Variants in KAZN observed in about 807,000 individuals in gnomAD.
KAZN encodes kazrin, periplakin interacting protein.
In KAZN, 40 loss-of-function variants were observed where a neutral mutation model predicts 87.4. The ratio of observed to expected loss-of-function variants is 0.46; its 90% confidence interval spans 0.36 to 0.60. KAZN has a LOEUF of 0.60. KAZN is among the 20% of genes least tolerant of loss of function. The pLI is 0.00. For missense variants in KAZN, 898 were observed against 1,073.9 expected, an observed-to-expected ratio of 0.84 and a Z score of 2.29; for synonymous variants, 466 against 458.3, an observed-to-expected ratio of 1.02 and a Z score of -0.22.
intron 2 of KAZN, among the ~76,000 whole-genome samples, chr1:14,278,686 A>G (rs979249558): frequency 2.0e-5 from 3 of 152,184 alleles, no homozygotes; most frequent in African/African-American, 7.2e-5. Flanking sequence ...GAGGATGCAA[A>G]TCAAGTTCAC....
intron 1 of KAZN, among the ~76,000 whole-genome samples, chr1:13,977,819 AC>A (rs1458679302): frequency 6.6e-6 from 1 of 152,146 alleles, no homozygotes; most frequent in African/African-American, 2.4e-5. Flanking sequence ...GTACAATTTC[AC>A]CTTGATGCAA....
chr1:14,190,999 A>G (rs1289094140), intron 2 of KAZN, among the ~76,000 whole-genome samples: 2 of 152,220 alleles, frequency 1.3e-5, no homozygotes, highest in African/African-American at 4.8e-5. Context: ...TGGTCTAGTC[A>G]TGTTCTCAGG....
chr1:15,035,426 C>T (rs1672161741), intron 3 of KAZN, among the ~76,000 whole-genome samples: 1 of 152,204 alleles, frequency 6.6e-6, no homozygotes. Context: ...GAGGAAGTGA[C>T]ATATGCATTG....
intron 1 of KAZN, among the ~76,000 whole-genome samples, chr1:14,937,280 A>C (rs1660567683): frequency 6.6e-6 from 1 of 152,126 alleles, no homozygotes; most frequent in Non-Finnish European, 1.5e-5. Context: ...CTGCTAGTTA[A>C]TTACTTGCAG....
At chr1:14,946,559 A>C (rs1015035807) in intron 1 of KAZN, among the ~76,000 whole-genome samples, 5 of 151,980 alleles carry the variant, frequency 3.3e-5, no homozygotes, top group African/African-American at 1.2e-4. Flanking sequence ...GGATGGTCTC[A>C]ATCTGGTTTA....
rs191663202 is a variant in KAZN at position 15,052,459 on chromosome 1, A to G, written c.727-3632A>G. On this transcript the variant is annotated intron_variant, in intron 4 of 14. Coordinates refer to ENST00000376030, the MANE Select transcript of KAZN (RefSeq NM_201628.3). Reference sequence around the variant, plus strand: ...AATTACCTCCCACTAGGTCCCTCCCATGACACGTGGGGATTATGGGAGCTT... The same window carrying G: ...AATTACCTCCCACTAGGTCCCTCCCGTGACACGTGGGGATTATGGGAGCTT... Among the ~76,000 whole-genome samples the G allele has an allele frequency of 3.2e-3, 494 of 152,256 alleles. 3 individuals are homozygous for G. The highest frequency in any genetic ancestry group is 0.01 in the African/African-American group (435 of 41,554).
chr1:14,883,312 GAA>G (rs1557585851), intron 1 of KAZN, among the ~76,000 whole-genome samples: 1 of 44,232 alleles, frequency 2.3e-5, no homozygotes, highest in African/African-American at 6.2e-5. Context: ...AAGAAAGAAA[GAA>G]AGAAAGAGAG....
At chr1:14,960,946 C>T in intron 2 of KAZN, 71 bp downstream of exon 2, 1 of 1,466,548 alleles carries the variant, frequency 6.8e-7, no homozygotes, top group South Asian at 1.3e-5. Flanking sequence ...CCTCCCCATG[C>T]AGGGGAAGTG....
intron 2 of KAZN, among the ~76,000 whole-genome samples, chr1:15,013,322 G>A (rs939573974): frequency 2.0e-5 from 3 of 152,184 alleles, no homozygotes; most frequent in South Asian, 2.1e-4. Context: ...GTTTATATTC[G>A]AGTGGGGGAG....
At chr1:14,207,438 A>G (rs1340221) in intron 2 of KAZN, among the ~76,000 whole-genome samples, 2 of 152,168 alleles carry the variant, frequency 1.3e-5, no homozygotes, top group East Asian at 1.9e-4. Context: ...CATGTTTTTC[A>G]AAGCTTTGCT....
At chr1:14,095,334 T>C (rs1438011895) in intron 1 of KAZN, among the ~76,000 whole-genome samples, 1 of 152,230 alleles carries the variant, frequency 6.6e-6, no homozygotes, top group Non-Finnish European at 1.5e-5. Context: ...ACTTTATTCT[T>C]TCTTTCTGAG....
intron 1 of KAZN, among the ~76,000 whole-genome samples, chr1:13,937,036 CT>C (rs199877939): frequency 0.017 from 2,422 of 141,370 alleles, 64 homozygotes; most frequent in African/African-American, 0.058. Flanking sequence ...TTTTTCCCCA[CT>C]TTTTTTTTCT....
At chr1:14,830,534 G>A (rs139940734) in intron 1 of KAZN, among the ~76,000 whole-genome samples, 5 of 152,290 alleles carry the variant, frequency 3.3e-5, no homozygotes, top group African/African-American at 7.2e-5. Flanking sequence ...ATGGAGAAAG[G>A]AGGTTTAATT....
intron 1 of KAZN, among the ~76,000 whole-genome samples, chr1:14,768,732 A>T (rs1644947871): frequency 1.3e-5 from 2 of 152,224 alleles, no homozygotes; most frequent in South Asian, 4.1e-4. Context: ...GAAACCTGGC[A>T]GGTAGTGTAG....
intron 1 of KAZN, among the ~76,000 whole-genome samples, chr1:14,162,682 C>T (rs768779112): frequency 1.1e-4 from 17 of 151,874 alleles, no homozygotes; most frequent in Middle Eastern, 3.4e-3. Flanking sequence ...ATAGCTGGGA[C>T]TACAGGCATC....
intron 2 of KAZN, among the ~76,000 whole-genome samples, chr1:14,494,723 T>A (rs1480306485): frequency 6.6e-6 from 1 of 152,234 alleles, no homozygotes; most frequent in African/African-American, 2.4e-5. Flanking sequence ...CAGGAAGCAT[T>A]GTTTTTTGCA....
intron 1 of KAZN, among the ~76,000 whole-genome samples, chr1:14,939,523 C>A (rs1273844242): frequency 6.6e-6 from 1 of 152,192 alleles, no homozygotes; most frequent in Non-Finnish European, 1.5e-5. Context: ...ATCCTCCCAC[C>A]TCAGCCTACC....
chr1:14,178,586 C>T (rs1231717597), intron 1 of KAZN, among the ~76,000 whole-genome samples: 2 of 152,146 alleles, frequency 1.3e-5, no homozygotes. Flanking sequence ...TGTTTTACAA[C>T]CTTGAACAAG....
intron 2 of KAZN, among the ~76,000 whole-genome samples, chr1:14,524,294 T>C (rs766161959): frequency 3.3e-5 from 5 of 152,072 alleles, no homozygotes; most frequent in Admixed American, 6.5e-5. Context: ...AGTGCTGAGA[T>C]TATAGGCATG....
Sources: gnomAD v4.1 joint callset for allele counts (sites outside exome capture counted in the v4.1 genomes callset) on GRCh38, gnomAD v4.1.1 for gene constraint, MANE v1.5 for transcripts, NCBI Gene and HGNC (gene_info 2026-07-23, HGNC 2026-07-21) for gene names.